Variants in FMNL2 observed in about 807,000 individuals in gnomAD.
The protein encoded by FMNL2 is formin like 2, also known as formin-like protein 2.
In FMNL2, 51 loss-of-function variants were observed where a neutral mutation model predicts 130.2. The ratio of observed to expected loss-of-function variants is 0.39; its 90% CI spans 0.31 to 0.49. The LOEUF (loss-of-function observed/expected upper bound fraction) is 0.49, where lower values mean the gene tolerates loss of function less well. Among genes scored for constraint, FMNL2 ranks in the 20% least tolerant of loss-of-function variants. FMNL2 has a pLI of 0.85. For missense variants in FMNL2, 977 were observed against 1,316.2 expected, an observed-to-expected ratio of 0.74 and a Z score of 3.99; for synonymous variants, 465 against 467.1, an observed-to-expected ratio of 1.00 and a Z score of 0.06.
intron 1 of FMNL2, among the ~76,000 whole-genome samples, chr2:152,346,858 G>A (rs1384361671): frequency 1.3e-5 from 2 of 152,060 alleles, no homozygotes; most frequent in African/African-American, 2.4e-5. Context: ...TTGGGAGGCC[G>A]AGGTGGGCAG....
At chr2:152,536,797 T>C (rs1201310052) in intron 2 of FMNL2, among the ~76,000 whole-genome samples, 1 of 152,196 alleles carries the variant, frequency 6.6e-6, no homozygotes, top group Non-Finnish European at 1.5e-5. Context: ...TCCTTAAGCC[T>C]CAGAATATGA....
At chr2:152,602,674 A>G (rs960858725) in intron 9 of FMNL2, among the ~76,000 whole-genome samples, 1 of 152,212 alleles carries the variant, frequency 6.6e-6, no homozygotes, top group South Asian at 2.1e-4. Context: ...TGCACCGTGT[A>G]TTATCTGGCC....
chr2:152,599,429 T>A (rs1452291936), intron 9 of FMNL2, among the ~76,000 whole-genome samples: 4 of 143,996 alleles, frequency 2.8e-5, no homozygotes, highest in African/African-American at 1.0e-4. Context: ...TTTTTTTTTT[T>A]TTTTTTTTAG....
At chr2:152,522,993 A>G (rs1469727749) in intron 2 of FMNL2, among the ~76,000 whole-genome samples, 3 of 152,140 alleles carry the variant, frequency 2.0e-5, no homozygotes, top group African/African-American at 7.2e-5. Context: ...AACATACAGG[A>G]CACCCCCGGG....
At chr2:152,604,065 G>A (rs1333009067) in intron 9 of FMNL2, among the ~76,000 whole-genome samples, 2 of 150,978 alleles carry the variant, frequency 1.3e-5, no homozygotes, top group Non-Finnish European at 3.0e-5. Flanking sequence ...AGGTTCCATG[G>A]AAGTTTCTGG....
intron 1 of FMNL2, among the ~76,000 whole-genome samples, chr2:152,380,544 A>C (rs1274248138): frequency 1.3e-5 from 2 of 152,156 alleles, no homozygotes; most frequent in African/African-American, 4.8e-5. Flanking sequence ...ATTGTTCTCC[A>C]TACACTCTGG....
chr2:152,496,212 C>T (rs1286849390), intron 1 of FMNL2, among the ~76,000 whole-genome samples: 1 of 152,116 alleles, frequency 6.6e-6, no homozygotes, highest in Non-Finnish European at 1.5e-5. Context: ...TGTTATGTCT[C>T]TCCAGTTTCT....
In FMNL2 at chr2:152,530,998, C is replaced by T. The variant is rs866063257; in HGVS notation, c.201+8972C>T. Among the ~76,000 whole-genome samples the T allele has an allele frequency of 3.0e-4, 45 of 152,166 alleles. 1 individual carries two copies. Among genetic ancestry groups the T allele is most frequent in the Admixed American group, 2.5e-3 (38 of 15,278 alleles). ...GGCAGAGACTGTGTATATCCTCCGT[C>T]AACATGGCGGATACTAGCTGTGGAT... On this transcript the variant is annotated intron_variant, in intron 2 of 25. Coordinates refer to ENST00000288670, the MANE Select transcript of FMNL2 (RefSeq NM_052905.4).
chr2:152,619,258 T>C, intron 14 of FMNL2, 100 bp downstream of exon 14: 9 of 1,410,472 alleles, frequency 6.4e-6, no homozygotes, highest in Non-Finnish European at 7.5e-6. Flanking sequence ...TTTGTTGGCA[T>C]GTTCTTTAAG....
At chr2:152,559,711 C>T (rs960799947) in intron 5 of FMNL2, among the ~76,000 whole-genome samples, 3 of 152,172 alleles carry the variant, frequency 2.0e-5, no homozygotes, top group Non-Finnish European at 2.9e-5. Flanking sequence ...AGTAGCCTAG[C>T]GAGGGCATCA....
chr2:152,336,092 A>AAAAAAAAAACAAAAC (rs5835421), intron 1 of FMNL2, among the ~76,000 whole-genome samples: 3 of 132,268 alleles, frequency 2.3e-5, no homozygotes, highest in Admixed American at 2.1e-4. Context: ...TTTTTTTAAA[A>AAAAAAAAAACAAAAC]AAAACAAAAC....
chr2:152,340,891 C>T (rs1433606758), intron 1 of FMNL2, among the ~76,000 whole-genome samples: 1 of 152,126 alleles, frequency 6.6e-6, no homozygotes, highest in Middle Eastern at 3.2e-3. Context: ...GGGGTTTCAG[C>T]ATCTTGGCCA....
At chr2:152,621,584 T>G (rs185806530) in intron 15 of FMNL2, among the ~76,000 whole-genome samples, 2 of 152,316 alleles carry the variant, frequency 1.3e-5, no homozygotes, top group African/African-American at 4.8e-5. Flanking sequence ...AGGAACTCTT[T>G]ATTTCCATAA....
At chr2:152,337,914 G>C (rs1485671014) in intron 1 of FMNL2, among the ~76,000 whole-genome samples, 1 of 152,130 alleles carries the variant, frequency 6.6e-6, no homozygotes, top group African/African-American at 2.4e-5. Context: ...TGCGTTCCTT[G>C]TCCCAGGTCA....
At chr2:152,489,959 C>T (rs1482284174) in intron 1 of FMNL2, among the ~76,000 whole-genome samples, 1 of 152,098 alleles carries the variant, frequency 6.6e-6, no homozygotes, top group Non-Finnish European at 1.5e-5. Flanking sequence ...AAAGATACTA[C>T]CTGTATTTTA....
intron 1 of FMNL2, among the ~76,000 whole-genome samples, chr2:152,513,482 T>C (rs1020121327): frequency 6.6e-6 from 1 of 152,206 alleles, no homozygotes; most frequent in Non-Finnish European, 1.5e-5. Flanking sequence ...CTACCATTGG[T>C]AATAACCAGT....
At chr2:152,483,397 A>G (rs1360818735) in intron 1 of FMNL2, among the ~76,000 whole-genome samples, 2 of 152,172 alleles carry the variant, frequency 1.3e-5, no homozygotes, top group African/African-American at 4.8e-5. Context: ...ATAAAGTGAC[A>G]GAAATCTACT....
intron 1 of FMNL2, among the ~76,000 whole-genome samples, chr2:152,405,207 A>G (rs1685917745): frequency 6.6e-6 from 1 of 152,154 alleles, no homozygotes; most frequent in Non-Finnish European, 1.5e-5. Flanking sequence ...TTTGGCTATA[A>G]TGAGCTGGGC....
intron 1 of FMNL2, among the ~76,000 whole-genome samples, chr2:152,448,584 T>C (rs1248817864): frequency 6.6e-6 from 1 of 152,200 alleles, no homozygotes; most frequent in Non-Finnish European, 1.5e-5. Flanking sequence ...TTTTCTCTTT[T>C]TTGGACTGTC....
Sources: gnomAD v4.1 joint callset for allele counts (sites outside exome capture counted in the v4.1 genomes callset) on GRCh38, gnomAD v4.1.1 for gene constraint, MANE v1.5 for transcripts, NCBI Gene and HGNC (gene_info 2026-07-23, HGNC 2026-07-21) for gene names.